Variants in NFS1 observed in about 807,000 individuals in gnomAD.
NFS1 encodes the protein cysteine desulfurase.
Under a neutral mutation model 57.3 loss-of-function variants are expected in NFS1, and 26 were observed. The ratio of observed to expected loss-of-function variants is 0.45; its 90% CI spans 0.33 to 0.63. NFS1 has a LOEUF of 0.63. NFS1 is among the 20% of genes least tolerant of loss of function. NFS1 has a pLI of 0.02. For missense variants in NFS1, 505 were observed against 605.8 expected (o/e 0.83, Z 1.75); for synonymous variants, 209 against 216.3 (o/e 0.97, Z 0.30).
chr20:35,675,314 T>A, intron 7 of NFS1, 112 bp from the exon 8 acceptor site: 1 of 1,180,890 alleles, frequency 8.5e-7, no homozygotes, highest in Non-Finnish European at 1.2e-6. Flanking sequence ...AAGCATGAAA[T>A]TTTTCTAAAT....
chr20:35,683,508 C>T (rs944911088), intron 5 of NFS1, among the ~76,000 whole-genome samples: 11 of 143,548 alleles, frequency 7.7e-5, no homozygotes, highest in Non-Finnish European at 1.4e-4. Context: ...AGGCCAGGCA[C>T]GGTGGCTCAC....
In NFS1 at chr20:35,696,664, C is replaced by CT. The variant is rs1216494710; in HGVS notation, c.325-205dup. Reference sequence around the variant, plus strand: ...TTTCCAGCCCAATGCAAAATAATAACTTTTTTTTTTTAATGAACTATTGGC... The same window carrying CT: ...TTTCCAGCCCAATGCAAAATAATAACTTTTTTTTTTTTAATGAACTATTGGC... On this transcript the variant is annotated intron_variant, in intron 3 of 12. Coordinates refer to ENST00000374092, the MANE Select transcript of NFS1 (RefSeq NM_021100.5). Among the ~76,000 whole-genome samples the CT allele has an allele frequency of 5.8e-3, 845 of 146,158 alleles. 16 individuals are homozygous for CT. Among genetic ancestry groups the CT allele is most frequent in the African/African-American group, 0.019 (768 of 40,076 alleles).
chr20:35,698,455 A>G (rs775560126), intron 2 of NFS1, 26 bp downstream of exon 2: 10 of 1,516,370 alleles, frequency 6.6e-6, no homozygotes, highest in Non-Finnish European at 8.1e-6. Context: ...TCCTATAAGC[A>G]GCCTTGGGAA....
intron 7 of NFS1, among the ~76,000 whole-genome samples, chr20:35,680,344 T>C (rs1236669334): frequency 6.6e-6 from 1 of 151,756 alleles, no homozygotes; most frequent in Non-Finnish European, 1.5e-5. Context: ...TCAAATCCCA[T>C]GCAATCTTCC....
chr20:35,669,646 C>T lies in NFS1; in HGVS notation c.1350G>A (p.Lys450=). Residue 450 remains lysine (K), a synonymous_variant, in exon 13 of 13, where the codon AAG becomes AAA. Coordinates refer to ENST00000374092, the MANE Select transcript of NFS1 (RefSeq NM_021100.5). ...TCTAGTGTTGGGTCCACTTGATGCT[C>T]TTGAGGTCAATGCCATCCTGAACCA... ...WEMVQDGIDL[K]SIKWTQH 1 of 1,614,066 alleles carries T rather than the reference C, an allele frequency of 6.2e-7. No individual in the cohort carries two copies. The highest frequency in any genetic ancestry group is 1.1e-5 in the South Asian group (1 of 91,068).
At chr20:35,673,767 C>T in intron 10 of NFS1, 83 bp from the exon 11 acceptor site, 1 of 1,137,660 alleles carries the variant, frequency 8.8e-7, no homozygotes, top group Middle Eastern at 2.1e-4. Context: ...TTCCCATCCC[C>T]CAGGGCCCTG....
At position 35,674,548 on chromosome 20, in the gene NFS1, C is replaced by A. The variant is rs781454506; in HGVS notation, c.1018G>T (p.Val340Leu). The A allele has an allele frequency of 1.2e-6, 2 of 1,614,070 alleles. No individual in the cohort carries two copies. Among genetic ancestry groups the A allele is most frequent in the Non-Finnish European group, 1.7e-6 (2 of 1,180,036 alleles). Residue 340 changes from valine (V) to leucine (L), a missense_variant, in exon 9 of 13, where the codon GTG becomes TTG. Physicochemically the swap from Val to Leu is conservative, Grantham distance 32. Transcript: ENST00000374092. ...IQNIMKSLPD[V>L]VMNGDPKHHY... Reference sequence around the variant, plus strand: ...TGCTTAGGGTCCCCATTCATCACCACATCTGGAAGGCTCTTCATTATATTC... The same window carrying A: ...TGCTTAGGGTCCCCATTCATCACCAAATCTGGAAGGCTCTTCATTATATTC...
chr20:35,698,538 C>A lies in NFS1; in HGVS notation c.150G>T (p.Pro50=). The change falls in exon 2 of 13, where the codon CCG becomes CCT. Residue 50 remains proline (P), a synonymous_variant. Transcript: ENST00000374092. ...SAVPADTAAA[P]EVGPVLRPLY... ...GAGGTCGCAGCACTGGCCCCACCTC[C>A]GGGGCAGCGGCTGTATCTGCGGGAA... 1 of 1,613,824 alleles carries A rather than the reference C, an allele frequency of 6.2e-7. No individual in the cohort carries two copies. Among genetic ancestry groups the A allele is most frequent in the Non-Finnish European group, 8.5e-7 (1 of 1,179,882 alleles).
chr20:35,673,456 T>A, intron 11 of NFS1, 145 bp downstream of exon 11: 1 of 625,102 alleles, frequency 1.6e-6, no homozygotes, highest in Non-Finnish European at 2.8e-6. Flanking sequence ...GAACCACTGC[T>A]CTAGAAACTT....
chr20:35,686,723 T>C (rs1568962443), intron 5 of NFS1, among the ~76,000 whole-genome samples: 2 of 152,098 alleles, frequency 1.3e-5, no homozygotes, highest in Non-Finnish European at 2.9e-5. Context: ...TTGCTAAAGG[T>C]GTGGGCAGCA....
chr20:35,698,790 T>A (rs2035189328), intron 1 of NFS1, 200 bp from the exon 2 acceptor site: 1 of 1,390,864 alleles, frequency 7.2e-7, no homozygotes. Context: ...AGAGGGTTCC[T>A]GGAGGGGGTG....
intron 5 of NFS1, among the ~76,000 whole-genome samples, chr20:35,683,040 T>G (rs981533799): frequency 1.3e-5 from 2 of 151,558 alleles, no homozygotes; most frequent in Non-Finnish European, 2.9e-5. Context: ...ATCACACCAC[T>G]GCACTCCAGC....
chr20:35,677,261 G>A (rs1013607473), intron 7 of NFS1, among the ~76,000 whole-genome samples: 4 of 152,106 alleles, frequency 2.6e-5, no homozygotes, highest in African/African-American at 9.7e-5. Flanking sequence ...GTGGAGCACG[G>A]TGGCTCATGA....
chr20:35,692,250 T>C (rs2035054799), intron 4 of NFS1: 2 of 277,180 alleles, frequency 7.2e-6, no homozygotes, highest in South Asian at 3.2e-5. Context: ...GGCACGCACC[T>C]GTAATCCCGG....
chr20:35,690,870 G>A (rs1277408574), intron 4 of NFS1, among the ~76,000 whole-genome samples: 1 of 152,148 alleles, frequency 6.6e-6, no homozygotes, highest in Non-Finnish European at 1.5e-5. Flanking sequence ...CCGAAGCCCG[G>A]TCAAGTTCAA....
Position 35,699,121 on chromosome 20 carries a change from G to A in NFS1, c.97+71C>T. 4 of 1,359,500 alleles carry A rather than the reference G, an allele frequency of 2.9e-6. No individual in the cohort carries two copies. The highest frequency in any genetic ancestry group is 3.1e-5 in the East Asian group (1 of 32,278). 84.2% of individuals were successfully genotyped at this position (1,359,500 alleles called of 1,614,324 possible). ...GCAGCAGGGTGGACAGGAAGGCTCC[G>A]GAATATTCAGTTGCGTCGCCGCGCG... On this transcript the variant is annotated intron_variant, in intron 1 of 12. Coordinates refer to ENST00000374092, the MANE Select transcript of NFS1 (RefSeq NM_021100.5). This position sits in a 1 kb window ranked among gnomAD's most constrained non-coding sequence, Gnocchi z 4.4.
chr20:35,690,514 T>C lies in NFS1; in HGVS notation c.460A>G (p.Thr154Ala). ...GAGTCCAAGACACATTTGTGTTCTG[T>C]CTGGGTGGTGATCAAGTGCTTTTTC... ...SRKKHLITTQ[T>A]EHKCVLDSCR... The change falls in exon 5 of 13, where the codon ACA becomes GCA. Residue 154 changes from threonine (T) to alanine (A), a missense_variant. Thr to Ala is a moderately conservative substitution (Grantham distance 58, BLOSUM62 0). Coordinates refer to ENST00000374092, the MANE Select transcript of NFS1 (RefSeq NM_021100.5). The C allele has an allele frequency of 6.2e-7, 1 of 1,614,088 alleles. No individual in the cohort carries two copies. Among genetic ancestry groups the C allele is most frequent in the Non-Finnish European group, 8.5e-7 (1 of 1,180,028 alleles).
chr20:35,697,905 C>G (rs2035166526), intron 2 of NFS1, 105 bp from the exon 3 acceptor site: 1 of 704,616 alleles, frequency 1.4e-6, no homozygotes, highest in Admixed American at 2.4e-5. Flanking sequence ...CTCAACCCCT[C>G]AGGCACTGCC....
chr20:35,670,301 G>A (rs2034632528), intron 12 of NFS1, among the ~76,000 whole-genome samples: 1 of 152,082 alleles, frequency 6.6e-6, no homozygotes, highest in Non-Finnish European at 1.5e-5. Context: ...TTGGATCTTA[G>A]ACCTGAGCAT....
Sources: allele counts gnomAD v4.1 joint callset (sites outside exome capture counted in the v4.1 genomes callset), GRCh38; gene constraint gnomAD v4.1.1; non-coding constraint Gnocchi (gnomAD v3.1); transcripts MANE v1.5; gene names NCBI Gene and HGNC (gene_info 2026-07-23, HGNC 2026-07-21).